Variants in POU6F2 observed in about 807,000 individuals in gnomAD.
POU6F2 encodes the protein POU domain, class 6, transcription factor 2.
A neutral mutation model predicts 71.3 loss-of-function variants in POU6F2; 31 were observed. That is an observed-to-expected ratio of 0.43 (90% CI 0.33 to 0.59). The LOEUF is 0.59. Ranked by LOEUF, POU6F2 falls within the 20% of genes least tolerant of loss-of-function variation. The pLI, the probability that POU6F2 is intolerant of heterozygous loss-of-function variation, is 0.04. For synonymous variants in POU6F2, 347 were observed against 355.7 expected (o/e 0.98, Z 0.27); for missense variants, 783 against 856.8 (o/e 0.91, Z 1.07).
At position 39,433,077 on chromosome 7, in the gene POU6F2, A is replaced by ACCT. The variant is rs1268983645; in HGVS notation, c.1114_1115insCCT (p.Ile372delinsThrPhe). On this transcript the variant is annotated protein_altering_variant and splice_region_variant, in exon 7 of 10. Transcript: ENST00000518318. ...CCTCACCTTTGGCCCTCTCTTGCAG[A>ACCT]TTATCGGGACCATTCCACTGATGCC... is the stretch of plus-strand genomic sequence containing the variant. 6.2e-7 allele frequency: 1 copy of ACCT among 1,612,550 alleles called. No homozygotes were observed. Among genetic ancestry groups the ACCT allele is most frequent in the Non-Finnish European group, 8.5e-7 (1 of 1,179,130 alleles).
At chr7:39,308,396 C>T (rs1433753250) in intron 4 of POU6F2, among the ~76,000 whole-genome samples, 1 of 152,134 alleles carries the variant, frequency 6.6e-6, no homozygotes, top group African/African-American at 2.4e-5. Flanking sequence ...GTGAGGGCCT[C>T]CCCCAGGTGC....
chr7:39,175,517 A>G (rs865828959), intron 2 of POU6F2, among the ~76,000 whole-genome samples: 1 of 152,212 alleles, frequency 6.6e-6, no homozygotes, highest in Non-Finnish European at 1.5e-5. Context: ...CACAGTGCCC[A>G]GGCCATGGTT....
At chr7:39,010,773 C>T (rs1454354761) in intron 1 of POU6F2, among the ~76,000 whole-genome samples, 6 of 144,390 alleles carry the variant, frequency 4.2e-5, no homozygotes, top group Non-Finnish European at 7.6e-5. Flanking sequence ...GCCTTCATTT[C>T]GTTATGTACC....
intron 5 of POU6F2, among the ~76,000 whole-genome samples, chr7:39,400,123 C>T (rs114536408): frequency 9.5e-4 from 144 of 152,296 alleles, no homozygotes; most frequent in African/African-American, 3.3e-3. Flanking sequence ...CAAGTTCTAT[C>T]CCCATAGTCA....
intron 1 of POU6F2, among the ~76,000 whole-genome samples, chr7:39,045,938 G>T (rs1790283817): frequency 6.6e-6 from 1 of 151,910 alleles, no homozygotes; most frequent in African/African-American, 2.4e-5. Context: ...AAGTATTTGT[G>T]TAGAGATGTT....
chr7:39,399,124 C>G (rs1046060845), intron 5 of POU6F2, among the ~76,000 whole-genome samples: 2 of 152,154 alleles, frequency 1.3e-5, no homozygotes, highest in African/African-American at 4.8e-5. Context: ...AAACCACCAC[C>G]CCTTCTCCCA....
chr7:39,367,618 T>C (rs1308153534), intron 5 of POU6F2, among the ~76,000 whole-genome samples: 1 of 152,236 alleles, frequency 6.6e-6, no homozygotes, highest in Non-Finnish European at 1.5e-5. Context: ...GTGGTTTATA[T>C]GGTACTGTCA....
At chr7:39,043,690 G>C (rs576229060) in intron 1 of POU6F2, among the ~76,000 whole-genome samples, 4 of 151,910 alleles carry the variant, frequency 2.6e-5, no homozygotes, top group African/African-American at 7.2e-5. Flanking sequence ...TAGCATTTAC[G>C]GTTGTTCAGT....
intron 4 of POU6F2, among the ~76,000 whole-genome samples, chr7:39,275,218 T>C (rs1784413960): frequency 1.3e-5 from 2 of 152,092 alleles, no homozygotes; most frequent in Non-Finnish European, 1.5e-5. Context: ...GGATACAAAA[T>C]CAATGTACAA....
rs561734675 is a variant in POU6F2 at position 39,245,401 on chromosome 7, C to T, written c.598+37781C>T. Reference sequence around the variant, plus strand: ...TTACACCTAGGCATTGGGGTCTCTTCATTCTGTTTATTATTTAGACCCACT... The same window carrying T: ...TTACACCTAGGCATTGGGGTCTCTTTATTCTGTTTATTATTTAGACCCACT... On this transcript the variant is annotated intron_variant, in intron 4 of 9. Coordinates refer to ENST00000518318, the MANE Select transcript of POU6F2 (RefSeq NM_001370959.1). Among the ~76,000 whole-genome samples, 5 of 152,254 alleles carry T rather than the reference C, an allele frequency of 3.3e-5. No individual in the cohort carries two copies. The South Asian group carries it at 1.0e-3, about 32-fold the overall frequency.
In POU6F2 at chr7:39,433,222, A is replaced by G; in HGVS notation, c.1259A>G (p.Gln420Arg). ...ATCATCGCCACAGTCATTGGGAACC[A>G]GATCCTGCCCGTGATCAACACCCAG... ...GQIIATVIGN[Q>R]ILPVINTQGI... Residue 420 changes from glutamine to arginine, a missense_variant, in exon 7 of 10, where the codon CAG becomes CGG. By Grantham distance (43) the Gln-to-Arg change is conservative. Transcript: ENST00000518318. 6.2e-7 allele frequency: 1 copy of G among 1,613,634 alleles called. No homozygotes were observed. Among genetic ancestry groups the G allele is most frequent in the Non-Finnish European group, 8.5e-7 (1 of 1,179,790 alleles).
At chr7:38,988,814 A>C (rs550425500) in intron 1 of POU6F2, among the ~76,000 whole-genome samples, 1 of 152,240 alleles carries the variant, frequency 6.6e-6, no homozygotes, top group African/African-American at 2.4e-5. Flanking sequence ...ACCAGGTATA[A>C]ATCCTTAATC....
intron 1 of POU6F2, among the ~76,000 whole-genome samples, chr7:39,015,567 T>G: frequency 1.6e-5 from 1 of 63,862 alleles, no homozygotes; most frequent in Admixed American, 2.2e-4. Context: ...TAGATCTACA[T>G]TATAGATATA....
intron 2 of POU6F2, among the ~76,000 whole-genome samples, chr7:39,086,271 A>G (rs1791243631): frequency 6.6e-6 from 1 of 152,196 alleles, no homozygotes; most frequent in South Asian, 2.1e-4. Flanking sequence ...ATATTGCTAG[A>G]GTCCCCAGGC....
chr7:39,373,520 A>G (rs971173328), intron 5 of POU6F2: 1 of 456,694 alleles, frequency 2.2e-6, no homozygotes. Context: ...AGAAAGGTGG[A>G]TGGAAGAATT....
chr7:39,187,913 T>A (rs760645624), intron 2 of POU6F2, among the ~76,000 whole-genome samples: 6 of 152,236 alleles, frequency 3.9e-5, no homozygotes, highest in Non-Finnish European at 7.3e-5. Flanking sequence ...ATTAGCCATA[T>A]GAGTCTTTGA....
At chr7:39,323,083 G>A (rs1234022305) in intron 4 of POU6F2, among the ~76,000 whole-genome samples, 1 of 151,790 alleles carries the variant, frequency 6.6e-6, no homozygotes, top group Non-Finnish European at 1.5e-5. Context: ...GCTATATGCA[G>A]GTTGCTGAGA....
At chr7:39,007,781 G>T (rs1317115128) in intron 1 of POU6F2, among the ~76,000 whole-genome samples, 2 of 151,288 alleles carry the variant, frequency 1.3e-5, no homozygotes, top group Non-Finnish European at 2.9e-5. Context: ...GCGGTGTTTG[G>T]TTTTTTGTTC....
At chr7:39,048,506 T>G (rs971748549) in intron 1 of POU6F2, among the ~76,000 whole-genome samples, 2 of 151,888 alleles carry the variant, frequency 1.3e-5, no homozygotes, top group Non-Finnish European at 2.9e-5. Flanking sequence ...ATTGCTGCAA[T>G]GGACATGATC....
Sources: allele counts gnomAD v4.1 joint callset (sites outside exome capture counted in the v4.1 genomes callset), GRCh38; gene constraint gnomAD v4.1.1; transcripts MANE v1.5; gene names NCBI Gene and HGNC (gene_info 2026-07-23, HGNC 2026-07-21).